Variants in ZNF287 observed in about 807,000 individuals in gnomAD.
ZNF287 encodes zinc finger protein 287.
In ZNF287, 31 loss-of-function variants were observed where a neutral mutation model predicts 73.7. The ratio of observed to expected loss-of-function variants is 0.42; its 90% confidence interval spans 0.32 to 0.57. The LOEUF (loss-of-function observed/expected upper bound fraction) is 0.57. ZNF287 is among the 20% of genes least tolerant of loss of function. ZNF287 has a pLI of 0.13. For synonymous variants in ZNF287, 301 were observed against 307.2 expected (o/e 0.98, Z 0.21); for missense variants, 641 against 909.3 (o/e 0.70, Z 3.79).
chr17:16,560,310 GTA>G (rs71152817), intron 5 of ZNF287, among the ~76,000 whole-genome samples: 264 of 112,456 alleles, frequency 2.3e-3, no homozygotes, highest in Non-Finnish European at 2.6e-3. Context: ...CAACAGTGGT[GTA>G]TATATATATA....
intron 5 of ZNF287, among the ~76,000 whole-genome samples, chr17:16,559,572 A>AACACAC (rs148356389): frequency 0.094 from 13,895 of 147,398 alleles, 698 homozygotes; most frequent in African/African-American, 0.13. Flanking sequence ...TAAAAGAACT[A>AACACAC]ACACACACAC....
chr17:16,568,385 T>C (rs1192218807), intron 1 of ZNF287, among the ~76,000 whole-genome samples: 1 of 152,152 alleles, frequency 6.6e-6, no homozygotes, highest in African/African-American at 2.4e-5. Flanking sequence ...GGCGAGCCAT[T>C]TATCTGCGTT....
At chr17:16,566,981 G>A (rs537966349) in intron 2 of ZNF287, among the ~76,000 whole-genome samples, 4 of 152,112 alleles carry the variant, frequency 2.6e-5, no homozygotes, top group Non-Finnish European at 5.9e-5. Context: ...CAAAGCAAAT[G>A]ATTTATTAGT....
At chr17:16,564,727 T>C (rs551445370) in intron 3 of ZNF287, among the ~76,000 whole-genome samples, 9 of 152,318 alleles carry the variant, frequency 5.9e-5, no homozygotes, top group African/African-American at 2.2e-4. Context: ...GTTAGTGCTT[T>C]TCTTGTTTGC....
At position 16,563,130 on chromosome 17, in the gene ZNF287, G is replaced by A. The variant is rs368391318; in HGVS notation, c.715+16C>T. The stretch of plus-strand genomic sequence containing the variant: ...TTCTTAAATACAAAGAAGCTCATGC[G>A]CTTTTTGTTTCTCACCTGGACTAGG... On this transcript the variant is annotated intron_variant, in intron 5 of 5. Transcript: ENST00000395825. The A allele has an allele frequency of 2.0e-5, 32 of 1,571,818 alleles. No individual in the cohort carries two copies. In the African/African-American group the frequency reaches 2.4e-4, roughly 12 times the overall value.
rs1177022422 is a variant in ZNF287, at chr17:16,547,820, A to G, written c.*4036T>C. Among the ~76,000 whole-genome samples, 1 of 152,224 alleles carries G rather than the reference A, an allele frequency of 6.6e-6. No individual in the cohort carries two copies. The highest frequency in any genetic ancestry group is 1.5e-5 in the Non-Finnish European group (1 of 68,040). The stretch of plus-strand genomic sequence containing the variant: ...GTCCAAAGACTAGAGAGTGAATGTC[A>G]AAAGGACATAAGAGATACTTGAAGG... On this transcript the variant is annotated 3_prime_UTR_variant, in exon 6 of 6. Transcript: ENST00000395825.
intron 3 of ZNF287, among the ~76,000 whole-genome samples, 182 bp from the exon 4 acceptor site, chr17:16,564,007 C>T (rs939584813): frequency 3.3e-5 from 5 of 152,182 alleles, no homozygotes; most frequent in African/African-American, 1.2e-4. Flanking sequence ...CTCTCCATGA[C>T]CCTAAACGGA....
chr17:16,559,596 C>CACACAA (rs1907293083), intron 5 of ZNF287, among the ~76,000 whole-genome samples: 2 of 152,152 alleles, frequency 1.3e-5, no homozygotes, highest in African/African-American at 2.4e-5. Flanking sequence ...CACACACACA[C>CACACAA]ACACACACTT....
rs555169299 is a variant in ZNF287 at position 16,560,631 on chromosome 17, A to C, written c.715+2515T>G. 2.4e-3 allele frequency among the ~76,000 whole-genome samples: 362 copies of C among 151,480 alleles called. 1 individual carries two copies. The highest frequency in any genetic ancestry group is 6.3e-3 in the Admixed American group (96 of 15,234). On this transcript the variant is annotated intron_variant, in intron 5 of 5. Coordinates refer to ENST00000395825, the MANE Select transcript of ZNF287 (RefSeq NM_020653.4). ...CCAAAGTGCTGGGATTACAAGCGCG[A>C]GCCACCGTACCCGGCTGAAAGGGCT... is the stretch of plus-strand genomic sequence containing the variant.
chr17:16,563,022 T>C (rs1907538582), intron 5 of ZNF287, 124 bp downstream of exon 5: 1 of 684,140 alleles, frequency 1.5e-6, no homozygotes, highest in African/African-American at 1.8e-5. Flanking sequence ...AACAGCTCAG[T>C]GTTCTTCACA....
Position 16,547,734 on chromosome 17 carries a change from G to A in ZNF287, c.*4122C>T, listed in dbSNP as rs1017591576. ...TTCTTGGAAAAAGGTTTCATTCCAG[G>A]CCTGGGGCATTGAAAATGCAAGGCC... On this transcript the variant is annotated 3_prime_UTR_variant, in exon 6 of 6. Transcript: ENST00000395825. 6.6e-6 allele frequency among the ~76,000 whole-genome samples: 1 copy of A among 152,140 alleles called. No homozygotes were observed. The highest frequency in any genetic ancestry group is 2.4e-5 in the African/African-American group (1 of 41,428).
At chr17:16,554,202 CTTTTTT>C (rs565329005) in intron 5 of ZNF287, among the ~76,000 whole-genome samples, 3 of 139,410 alleles carry the variant, frequency 2.2e-5, no homozygotes, top group Non-Finnish European at 3.1e-5. Context: ...TTATCCACTA[CTTTTTT>C]TTTTTTTTTT....
chr17:16,567,159 C>T (rs1392806569), intron 2 of ZNF287, among the ~76,000 whole-genome samples, 170 bp downstream of exon 2: 2 of 152,146 alleles, frequency 1.3e-5, no homozygotes, highest in Non-Finnish European at 2.9e-5. Flanking sequence ...CATGTTAAAG[C>T]CTTGTTCTCA....
At chr17:16,554,947 G>C (rs1490635519) in intron 5 of ZNF287, among the ~76,000 whole-genome samples, 1 of 150,970 alleles carries the variant, frequency 6.6e-6, no homozygotes, top group Non-Finnish European at 1.5e-5. Flanking sequence ...ACACAGATTA[G>C]GTTGAATTAT....
At position 16,548,106 on chromosome 17, in the gene ZNF287, A is replaced by G. The variant is rs1011636972; in HGVS notation, c.*3750T>C. On this transcript the variant is annotated 3_prime_UTR_variant, in exon 6 of 6. Transcript: ENST00000395825. The stretch of plus-strand genomic sequence containing the variant: ...ATTAGAAAATTGTCATTTTGCAAAC[A>G]TTGATGAGACAATGGATTCAGGCAA... 6.6e-6 allele frequency among the ~76,000 whole-genome samples: 1 copy of G among 152,206 alleles called. No homozygotes were observed. The highest frequency in any genetic ancestry group is 1.5e-5 in the Non-Finnish European group (1 of 68,044).
intron 5 of ZNF287, among the ~76,000 whole-genome samples, chr17:16,559,949 T>A (rs1237963914): frequency 6.6e-6 from 1 of 151,896 alleles, no homozygotes; most frequent in Admixed American, 6.6e-5. Flanking sequence ...TCCATATATA[T>A]ATATATATTT....
At position 16,552,180 on chromosome 17, in the gene ZNF287, C is replaced by A. The variant is rs1906715499; in HGVS notation, c.1962G>T (p.Gly654=). Residue 654 remains glycine (G), a synonymous_variant, in exon 6 of 6, where the codon GGG becomes GGT. Coordinates refer to ENST00000395825, the MANE Select transcript of ZNF287 (RefSeq NM_020653.4). The surrounding 1 kb of genome is among the most constrained non-coding windows in gnomAD (Gnocchi z 6.5). ...GATTTGCGCCTTGTCTATATGCTTT[C>A]CCACATATATTGCATTTAAAGGGTT... ...GEKPFKCNIC[G]KAYRQGANLT... 1.9e-6 allele frequency: 3 copies of A among 1,613,892 alleles called. No homozygotes were observed. The highest frequency in any genetic ancestry group is 2.5e-6 in the Non-Finnish European group (3 of 1,179,940).
Position 16,550,729 on chromosome 17 carries a change from T to G in ZNF287, c.*1127A>C, listed in dbSNP as rs1158927168. Among the ~76,000 whole-genome samples the G allele has an allele frequency of 6.6e-6, 1 of 152,176 alleles. No homozygotes were observed. The highest frequency in any genetic ancestry group is 1.5e-5 in the Non-Finnish European group (1 of 68,024). The stretch of plus-strand genomic sequence containing the variant: ...AATTAGGAAGTTTGGGACCTGAGCA[T>G]AGTAGACACTCAAGAAACGTGTTTC... On this transcript the variant is annotated 3_prime_UTR_variant, in exon 6 of 6. Coordinates refer to ENST00000395825, the MANE Select transcript of ZNF287 (RefSeq NM_020653.4).
Position 16,568,059 on chromosome 17 carries a change from A to G in ZNF287, c.-198-130T>C, listed in dbSNP as rs1487479199. ...AAGCTTTACCTTGTCTTCCTCCCCT[A>G]TATCCTTAGACTTGTAAGGGAACTG... On this transcript the variant is annotated intron_variant, in intron 1 of 5. Transcript: ENST00000395825. 1.6e-5 allele frequency: 14 copies of G among 879,824 alleles called. No individual in the cohort carries two copies. In the South Asian group the frequency reaches 5.2e-4, roughly 33 times the overall value. 54.5% of individuals were successfully genotyped at this position (879,824 alleles called of 1,614,324 possible).
Sources: gnomAD v4.1 joint callset for allele counts (sites outside exome capture counted in the v4.1 genomes callset) on GRCh38, gnomAD v4.1.1 for gene constraint, Gnocchi (gnomAD v3.1) non-coding constraint, MANE v1.5 for transcripts, NCBI Gene and HGNC (gene_info 2026-07-23, HGNC 2026-07-21) for gene names.